The following KRT40 variants were observed in gnomAD, a reference collection of about 807,000 sequenced individuals.
The protein encoded by KRT40 is keratin, type I cytoskeletal 40.
In KRT40, 47 loss-of-function variants were observed where a neutral mutation model predicts 43.5. The observed-to-expected ratio is 1.08, with a 90% CI of 0.86 to 1.38. The LOEUF (loss-of-function observed/expected upper bound fraction) is 1.38, where lower values mean the gene tolerates loss of function less well. Among genes scored for constraint, KRT40 ranks in the 40% most tolerant of loss-of-function variants. The pLI is 0.00. For synonymous variants in KRT40, 212 were observed against 214.0 expected (o/e 0.99, Z 0.08); for missense variants, 573 against 523.6 (o/e 1.09, Z -0.92).
chr17:40,983,801 G>T, intron 1 of KRT40, 26 bp downstream of exon 1: 1 of 1,601,270 alleles, frequency 6.2e-7, no homozygotes, highest in Non-Finnish European at 8.5e-7. Context: ...CAGGAAGGTG[G>T]AGCACTAGGG....
At position 40,983,922 on chromosome 17, in the gene KRT40, C is replaced by G. The variant is rs775102874; in HGVS notation, c.352G>C (p.Glu118Gln). ...RSLEETNAELESRIQEQCEQD... is the reference protein window; with the variant it reads ...RSLEETNAELQSRIQEQCEQD... ...TCACATTGTTCTTGGATCCTGGATT[C>G]CAGCTCTGCGTTGGTCTCCTCCAGG... The change falls in exon 1 of 7, where the codon GAA (glutamate) becomes CAA (glutamine). Residue 118 changes from glutamate (E) to glutamine (Q), a missense_variant. Transcript: ENST00000377755. The G allele has an allele frequency of 7.4e-6, 12 of 1,614,086 alleles. No homozygotes were observed. Among genetic ancestry groups the G allele is most frequent in the Non-Finnish European group, 1.0e-5 (12 of 1,180,020 alleles).
At chr17:40,978,683 T>A (rs552293981) in intron 6 of KRT40, 121 bp downstream of exon 6, 18 of 787,014 alleles carry the variant, frequency 2.3e-5, no homozygotes, top group South Asian at 1.6e-4. Flanking sequence ...AGCACTTTTT[T>A]AAGAAGATCC....
At position 40,984,090 on chromosome 17, in the gene KRT40, A is replaced by C; in HGVS notation, c.184T>G (p.Cys62Gly). 1 of 1,614,132 alleles carries C rather than the reference A, an allele frequency of 6.2e-7. No individual in the cohort carries two copies. The highest frequency in any genetic ancestry group is 8.5e-7 in the Non-Finnish European group (1 of 1,180,020). Residue 62 changes from cysteine to glycine, a missense_variant, in exon 1 of 7, where the codon TGC becomes GGC. Cys to Gly is a radical substitution (Grantham distance 159). Transcript: ENST00000377755. ...CTATTACAACTCCCAGTAAAGTAGC[A>C]TGGCAGGAGGCAACCAGTCAGCCCG... ...SRGLTGCLLP[C>G]YFTGSCNSPC...
chr17:40,984,147 A>G lies in KRT40; in HGVS notation c.127T>C (p.Cys43Arg). The change falls in exon 1 of 7, where the codon TGT (cysteine) becomes CGT (arginine). Residue 43 changes from cysteine (C) to arginine (R), a missense_variant. Cys to Arg is a radical substitution (Grantham distance 180, BLOSUM62 -3). Transcript: ENST00000377755. ...CLPGTCATSR[C>R]QTPSFLSRSR... Reference sequence around the variant, plus strand: ...CTGGATAGGAAGCTTGGAGTCTGACATCGGGATGTAGCACAGGTACCGGGG... The same window carrying G: ...CTGGATAGGAAGCTTGGAGTCTGACGTCGGGATGTAGCACAGGTACCGGGG... 6.2e-7 allele frequency: 1 copy of G among 1,614,126 alleles called. No homozygotes were observed. The highest frequency in any genetic ancestry group is 8.5e-7 in the Non-Finnish European group (1 of 1,180,020).
intron 5 of KRT40, among the ~76,000 whole-genome samples, chr17:40,980,516 C>T (rs1346744707): frequency 6.6e-6 from 1 of 152,198 alleles, no homozygotes; most frequent in African/African-American, 2.4e-5. Flanking sequence ...AATGCTTAAG[C>T]GACCATGGCC....
chr17:40,985,614 A>T (rs900914217), upstream of KRT40, among the ~76,000 whole-genome samples: 4 of 152,188 alleles, frequency 2.6e-5, no homozygotes, highest in Non-Finnish European at 4.4e-5. Context: ...ACCAAACCAG[A>T]AGAACATATG....
intron 5 of KRT40, among the ~76,000 whole-genome samples, chr17:40,980,084 C>G (rs748525834): frequency 6.6e-6 from 1 of 152,214 alleles, no homozygotes; most frequent in Admixed American, 6.5e-5. Context: ...TGGGATTCAA[C>G]TGGCTGAACT....
In KRT40 at chr17:40,982,375, A is replaced by T. The variant is rs1365839279; in HGVS notation, c.619T>A (p.Ser207Thr). 6.2e-7 allele frequency: 1 copy of T among 1,611,598 alleles called. No homozygotes were observed. The highest frequency in any genetic ancestry group is 2.2e-5 in the East Asian group (1 of 44,660). Reference protein sequence around the residue: ...GILEELTLCKSDLEAHVESLK... With the variant: ...GILEELTLCKTDLEAHVESLK... Reference sequence around the variant, plus strand: ...GACTCCACATGGGCCTCCAGATCAGATTTGCACAGGGTCAGTTCCTCCAGG... The same window carrying T: ...GACTCCACATGGGCCTCCAGATCAGTTTTGCACAGGGTCAGTTCCTCCAGG... Residue 207 changes from serine (S) to threonine (T), a missense_variant, in exon 3 of 7, where the codon TCT becomes ACT. Physicochemically the swap from Ser to Thr is moderately conservative, Grantham distance 58 (BLOSUM62 1). Transcript: ENST00000377755.
At chr17:40,984,879 A>G (rs989678076), upstream of KRT40, among the ~76,000 whole-genome samples, 1 of 115,674 alleles carries the variant, frequency 8.6e-6, no homozygotes, top group African/African-American at 4.0e-5. Flanking sequence ...GTGTGTGCAA[A>G]CCATGTCTAC....
At chr17:40,984,860 A>AGTTGTGTGTGT (rs551051327), upstream of KRT40, among the ~76,000 whole-genome samples, 9 of 151,564 alleles carry the variant, frequency 5.9e-5, no homozygotes, top group South Asian at 2.1e-4. Context: ...TTGGGTTTAA[A>AGTTGTGTGTGT]GTGTGTGTGT....
In KRT40 at chr17:40,982,388, C is replaced by G; in HGVS notation, c.606G>C (p.Leu202=). 6.2e-7 allele frequency: 1 copy of G among 1,612,088 alleles called. No homozygotes were observed. Among genetic ancestry groups the G allele is most frequent in the Non-Finnish European group, 8.5e-7 (1 of 1,179,058 alleles). The change falls in exon 3 of 7, where the codon CTG becomes CTC. Residue 202 remains leucine, a synonymous_variant. Transcript: ENST00000377755. ...ISSLHGILEE[L]TLCKSDLEAH... ...CCTCCAGATCAGATTTGCACAGGGT[C>G]AGTTCCTCCAGGATCCCATGCAGGC...
At chr17:40,981,364 GT>G (rs1567855043) in intron 3 of KRT40, 1 of 873,766 alleles carries the variant, frequency 1.1e-6, no homozygotes, top group Admixed American at 2.0e-5. Flanking sequence ...TTTCCAGAAA[GT>G]TATTGTGAGA....
In KRT40 at chr17:40,978,703, C is replaced by T; in HGVS notation, c.1196+101G>A. On this transcript the variant is annotated intron_variant, in intron 6 of 6. Coordinates refer to ENST00000377755, the MANE Select transcript of KRT40 (RefSeq NM_001389244.1). ...TTTTTTAAGAAGATCCCTAAACACA[C>T]TGGGGAGGTCTGAACTTGTCCAGAC... The T allele has an allele frequency of 4.2e-6, 4 of 959,948 alleles. No homozygotes were observed. The South Asian group carries it at 6.0e-5, about 14-fold the overall frequency. The allele number at this position is 959,948 out of a possible 1,614,324, so 59.5% of individuals were successfully genotyped here. A position where few individuals can be genotyped will look rare whatever the true frequency, so the allele number is the denominator to read the frequency against.
Position 40,984,097 on chromosome 17 carries a change from G to A in KRT40, c.177C>T (p.Leu59=). The change falls in exon 1 of 7, where the codon CTC becomes CTT. Residue 59 remains leucine (L), a synonymous_variant. Transcript: ENST00000377755. ...LSRSRGLTGC[L]LPCYFTGSCN... Reference sequence around the variant, plus strand: ...AACTCCCAGTAAAGTAGCATGGCAGGAGGCAACCAGTCAGCCCGCGAGACC... The same window carrying A: ...AACTCCCAGTAAAGTAGCATGGCAGAAGGCAACCAGTCAGCCCGCGAGACC... 1 of 1,614,136 alleles carries A rather than the reference G, an allele frequency of 6.2e-7. No homozygotes were observed. Among genetic ancestry groups the A allele is most frequent in the Non-Finnish European group, 8.5e-7 (1 of 1,180,034 alleles).
At chr17:40,978,683 TAAG>T in intron 6 of KRT40, 118 bp downstream of exon 6, 1 of 787,014 alleles carries the variant, frequency 1.3e-6, no homozygotes, top group South Asian at 1.7e-5. Context: ...AGCACTTTTT[TAAG>T]AAGATCCCTA....
In KRT40 at chr17:40,983,914, C is replaced by A. The variant is rs377064081; in HGVS notation, c.360G>T (p.Arg120Ser). The A allele has an allele frequency of 3.7e-6, 6 of 1,614,020 alleles. No individual in the cohort carries two copies. Among genetic ancestry groups the A allele is most frequent in the Non-Finnish European group, 5.1e-6 (6 of 1,180,044 alleles). The stretch of plus-strand genomic sequence containing the variant: ...TATCCTGTTCACATTGTTCTTGGAT[C>A]CTGGATTCCAGCTCTGCGTTGGTCT... ...LEETNAELES[R>S]IQEQCEQDIP... Residue 120 changes from arginine to serine, a missense_variant, in exon 1 of 7, where the codon AGG (arginine) becomes AGT (serine). Physicochemically the swap from Arg to Ser is moderately radical, Grantham distance 110. Transcript: ENST00000377755.
chr17:40,982,740 A>G (rs1279380523), intron 2 of KRT40, among the ~76,000 whole-genome samples: 3 of 152,188 alleles, frequency 2.0e-5, no homozygotes, highest in Non-Finnish European at 4.4e-5. Context: ...GTGGTGGCTC[A>G]TGCCTGTAAT....
intron 3 of KRT40, chr17:40,981,439 T>G: frequency 1.7e-6 from 1 of 586,156 alleles, no homozygotes; most frequent in Non-Finnish European, 3.1e-6. Flanking sequence ...TAGTAAGGTG[T>G]CAATAAATGT....
intron 2 of KRT40, 63 bp from the exon 3 acceptor site, chr17:40,982,526 A>G (rs1912227700): frequency 5.2e-6 from 7 of 1,348,542 alleles, no homozygotes; most frequent in Non-Finnish European, 6.8e-6. Flanking sequence ...GTGTGGGGAT[A>G]CATGGAGGAT....
Sources: allele counts gnomAD v4.1 joint callset (sites outside exome capture counted in the v4.1 genomes callset), GRCh38; gene constraint gnomAD v4.1.1; transcripts MANE v1.5; gene names NCBI Gene and HGNC (gene_info 2026-07-23, HGNC 2026-07-21).